PTGFR: variants seen among roughly 807,000 people sequenced by gnomAD.
The protein encoded by PTGFR is prostaglandin F receptor.
A neutral mutation model predicts 26.2 loss-of-function variants in PTGFR; 15 were observed. That is an observed-to-expected ratio of 0.57 (90% confidence interval 0.38 to 0.88). The LOEUF (loss-of-function observed/expected upper bound fraction) is 0.88, where lower values mean the gene tolerates loss of function less well. Ranked by LOEUF, PTGFR falls within the 40% of genes least tolerant of loss-of-function variation. The probability of loss-of-function intolerance (pLI) is 0.00; values close to 1 mark genes in which losing one functional copy is unlikely to be tolerated. For missense variants in PTGFR, 369 were observed against 427.2 expected (o/e 0.86, Z 1.20); for synonymous variants, 165 against 151.1 (o/e 1.09, Z -0.68).
At chr1:78,498,078 T>A (rs978392900) in intron 2 of PTGFR, 3 of 663,876 alleles carry the variant, frequency 4.5e-6, no homozygotes, top group South Asian at 4.3e-5. Flanking sequence ...TTGTTAGATA[T>A]AGATCAAAGA....
intron 2 of PTGFR, among the ~76,000 whole-genome samples, chr1:78,500,038 G>T (rs1649663090): frequency 6.6e-6 from 1 of 151,598 alleles, no homozygotes; most frequent in South Asian, 2.1e-4. Context: ...TTTCTCTACA[G>T]CCACACATTT....
chr1:78,494,600 TTTTG>T lies in PTGFR; in HGVS notation c.798+1080_798+1083del, dbSNP rs145200664. On this transcript the variant is annotated intron_variant, in intron 2 of 2. Transcript: ENST00000370757. ...CCAAGAATTGTTGCTAGTGCAGGTT[TTTTG>T]TTTGTTTGTTTGTTTGTTTGAGACG... is the stretch of plus-strand genomic sequence containing the variant. Among the ~76,000 whole-genome samples the T allele has an allele frequency of 2.2e-3, 329 of 152,104 alleles. 2 individuals carry two copies. Among genetic ancestry groups the T allele is most frequent in the African/African-American group, 7.7e-3 (321 of 41,452 alleles).
At chr1:78,496,483 G>T (rs796344436) in intron 2 of PTGFR, among the ~76,000 whole-genome samples, 10 of 152,106 alleles carry the variant, frequency 6.6e-5, no homozygotes, top group African/African-American at 2.4e-4. Flanking sequence ...TGAATTGTTG[G>T]ATTTGTATTT....
At chr1:78,518,468 T>C (rs1650144368) in intron 2 of PTGFR, among the ~76,000 whole-genome samples, 1 of 152,002 alleles carries the variant, frequency 6.6e-6, no homozygotes, top group Non-Finnish European at 1.5e-5. Context: ...TTGTTCTATT[T>C]CTTGACCCTA....
chr1:78,526,066 C>G (rs1439467333), intron 2 of PTGFR, among the ~76,000 whole-genome samples: 1 of 151,936 alleles, frequency 6.6e-6, no homozygotes, highest in Non-Finnish European at 1.5e-5. Flanking sequence ...CTGGTTTGTA[C>G]TAGACTTACA....
chr1:78,508,595 T>A (rs991053879), intron 2 of PTGFR, among the ~76,000 whole-genome samples: 10 of 152,154 alleles, frequency 6.6e-5, no homozygotes, highest in Non-Finnish European at 1.5e-4. Flanking sequence ...GTTCAAACTC[T>A]CCCCTGACTT....
At chr1:78,511,458 T>C (rs894598496) in intron 2 of PTGFR, among the ~76,000 whole-genome samples, 25 of 152,202 alleles carry the variant, frequency 1.6e-4, no homozygotes, top group Non-Finnish European at 3.5e-4. Flanking sequence ...CCTGAGGCCC[T>C]TTGAGCCATG....
At chr1:78,513,977 G>C (rs1331911893) in intron 2 of PTGFR, among the ~76,000 whole-genome samples, 2 of 152,240 alleles carry the variant, frequency 1.3e-5, no homozygotes, top group African/African-American at 4.8e-5. Flanking sequence ...GGTGGCTTCT[G>C]CCTAGATTTT....
chr1:78,497,361 C>T (rs1260083495), intron 2 of PTGFR, among the ~76,000 whole-genome samples: 1 of 152,104 alleles, frequency 6.6e-6, no homozygotes, highest in Non-Finnish European at 1.5e-5. Flanking sequence ...TAATTCTAAA[C>T]ATCTTTGAAA....
intron 2 of PTGFR, among the ~76,000 whole-genome samples, chr1:78,513,688 A>G (rs12569166): frequency 3.3e-5 from 5 of 152,244 alleles, no homozygotes; most frequent in African/African-American, 1.2e-4. Flanking sequence ...GTGACTAAAA[A>G]GTAGCCATGT....
At chr1:78,525,578 A>G (rs554185) in intron 2 of PTGFR, among the ~76,000 whole-genome samples, 51,627 of 151,706 alleles carry the variant, frequency 0.34, 9,349 homozygotes, top group African/African-American at 0.47. Flanking sequence ...TTTTAATTAC[A>G]TTTTGGTATG....
At chr1:78,508,593 T>C (rs959600716) in intron 2 of PTGFR, among the ~76,000 whole-genome samples, 1 of 152,102 alleles carries the variant, frequency 6.6e-6, no homozygotes, top group Non-Finnish European at 1.5e-5. Flanking sequence ...TGGTTCAAAC[T>C]CTCCCCTGAC....
chr1:78,501,109 G>T (rs1022569623), intron 2 of PTGFR, among the ~76,000 whole-genome samples: 12 of 151,856 alleles, frequency 7.9e-5, no homozygotes, highest in Admixed American at 7.2e-4. Context: ...AAACGAATCA[G>T]AAACATGTGT....
chr1:78,515,051 T>C (rs1224291954), intron 2 of PTGFR, among the ~76,000 whole-genome samples: 3 of 152,218 alleles, frequency 2.0e-5, no homozygotes, highest in Non-Finnish European at 4.4e-5. Flanking sequence ...CAGGTATTTT[T>C]TTTTTATAGC....
At chr1:78,497,099 A>T (rs2100350993) in intron 2 of PTGFR, among the ~76,000 whole-genome samples, 1 of 152,314 alleles carries the variant, frequency 6.6e-6, no homozygotes, top group East Asian at 1.9e-4. Context: ...GTTTTAAATT[A>T]AAACATTTAA....
chr1:78,534,462 A>G (rs1413778181), intron 2 of PTGFR, among the ~76,000 whole-genome samples: 1 of 152,174 alleles, frequency 6.6e-6, no homozygotes, highest in Non-Finnish European at 1.5e-5. Flanking sequence ...AGAGATGTAC[A>G]CAAATAATCC....
At chr1:78,530,783 AC>A (rs1369602212) in intron 2 of PTGFR, among the ~76,000 whole-genome samples, 1 of 152,198 alleles carries the variant, frequency 6.6e-6, no homozygotes, top group Non-Finnish European at 1.5e-5. Flanking sequence ...ATAACATAGC[AC>A]CACTGGGAAT....
intron 2 of PTGFR, among the ~76,000 whole-genome samples, chr1:78,529,490 G>A (rs1650453966): frequency 6.6e-6 from 1 of 152,158 alleles, no homozygotes; most frequent in Admixed American, 6.6e-5. Flanking sequence ...TATCTGGAAT[G>A]AGCCAGAGGT....
chr1:78,505,431 CT>C (rs1028571132), intron 2 of PTGFR, among the ~76,000 whole-genome samples: 1 of 152,074 alleles, frequency 6.6e-6, no homozygotes, highest in African/African-American at 2.4e-5. Context: ...CCTATTCTAA[CT>C]TTTAAAAATT....
Sources: gnomAD v4.1 joint callset for allele counts (sites outside exome capture counted in the v4.1 genomes callset) on GRCh38, gnomAD v4.1.1 for gene constraint, MANE v1.5 for transcripts, NCBI Gene and HGNC (gene_info 2026-07-23, HGNC 2026-07-21) for gene names.